DDX19B: variants seen among roughly 807,000 people sequenced by gnomAD.
DDX19B encodes ATP-dependent RNA helicase DDX19B.
DDX19B carries 27 observed loss-of-function variants against 58.1 expected under a neutral mutation model. The observed-to-expected ratio is 0.46, with a 90% CI of 0.34 to 0.64. The LOEUF (loss-of-function observed/expected upper bound fraction) is 0.64. Among genes scored for constraint, DDX19B ranks in the 30% least tolerant of loss-of-function variants. DDX19B has a pLI of 0.01. For missense variants in DDX19B, 399 were observed against 596.5 expected, an observed-to-expected ratio of 0.67 and a Z score of 3.45; for synonymous variants, 187 against 214.4, an observed-to-expected ratio of 0.87 and a Z score of 1.12.
At chr16:70,300,005 C>A (rs1392407947) in intron 1 of DDX19B, among the ~76,000 whole-genome samples, 1 of 152,106 alleles carries the variant, frequency 6.6e-6, no homozygotes, top group Admixed American at 6.6e-5. Context: ...GAATTAATTT[C>A]TCCCACCGAA....
chr16:70,310,168 G>A (rs549220953), intron 1 of DDX19B, among the ~76,000 whole-genome samples: 17 of 152,274 alleles, frequency 1.1e-4, no homozygotes, highest in South Asian at 8.3e-4. Context: ...GGATCATGAG[G>A]TCAAGAGATT....
At chr16:70,292,390 G>A (rs546240440), upstream of DDX19B, among the ~76,000 whole-genome samples, 3 of 151,936 alleles carry the variant, frequency 2.0e-5, no homozygotes, top group Admixed American at 6.6e-5. Context: ...CAGGTGATTC[G>A]CCTGCCTTGG....
At position 70,299,237 on chromosome 16, in the gene DDX19B, A is replaced by G; in HGVS notation, c.-61A>G. ...AGCCTGCCGCGAACCCCCGGAGCCC[A>G]CGATCCCTCGTGCCATCCCTCGAAT... On this transcript the variant is annotated 5_prime_UTR_variant, in exon 1 of 12. Transcript: ENST00000288071. 6.7e-7 allele frequency: 1 copy of G among 1,483,426 alleles called. No individual in the cohort carries two copies. Among genetic ancestry groups the G allele is most frequent in the East Asian group, 2.5e-5 (1 of 39,332 alleles). The allele number at this position is 1,483,426 out of a possible 1,614,324, so 91.9% of individuals were successfully genotyped here. A position where few individuals can be genotyped will look rare whatever the true frequency, so the allele number is the denominator to read the frequency against.
chr16:70,328,255 T>C (rs997841598), intron 7 of DDX19B, among the ~76,000 whole-genome samples: 3 of 152,080 alleles, frequency 2.0e-5, no homozygotes, highest in African/African-American at 7.2e-5. Flanking sequence ...TAATGCCAAC[T>C]TGAGGCCAGT....
upstream of DDX19B, among the ~76,000 whole-genome samples, chr16:70,294,443 A>G (rs1335789654): frequency 6.6e-6 from 1 of 152,164 alleles, no homozygotes; most frequent in African/African-American, 2.4e-5. Flanking sequence ...TATACTTGGA[A>G]TACCAAGGGT....
upstream of DDX19B, among the ~76,000 whole-genome samples, chr16:70,292,442 C>T (rs115969786): frequency 0.017 from 2,652 of 152,168 alleles, 62 homozygotes; most frequent in African/African-American, 0.059. Flanking sequence ...CCATCGCGTC[C>T]GGCCCCCTTG....
intron 1 of DDX19B, among the ~76,000 whole-genome samples, chr16:70,303,560 T>C (rs906001946): frequency 7.9e-5 from 12 of 152,208 alleles, no homozygotes; most frequent in African/African-American, 2.9e-4. Context: ...AATTTTTGTT[T>C]GTTTGTTTGT....
In DDX19B at chr16:70,299,369, G is replaced by T; in HGVS notation, c.57+15G>T. On this transcript the variant is annotated intron_variant, in intron 1 of 11. Coordinates refer to ENST00000288071, the MANE Select transcript of DDX19B (RefSeq NM_007242.7). Reference sequence around the variant, plus strand: ...CGGCTGAGTCGGTGAGTTGGCTTCAGCCCTAAAAGGGTCAGGGGACTAGTT... The same window carrying T: ...CGGCTGAGTCGGTGAGTTGGCTTCATCCCTAAAAGGGTCAGGGGACTAGTT... The T allele has an allele frequency of 6.2e-7, 1 of 1,602,466 alleles. No homozygotes were observed.
intron 5 of DDX19B, among the ~76,000 whole-genome samples, chr16:70,321,919 C>A (rs1962846258): frequency 6.6e-6 from 1 of 151,838 alleles, no homozygotes; most frequent in South Asian, 2.1e-4. Flanking sequence ...CCTGTAATCC[C>A]AGCTACTCGG....
chr16:70,308,653 C>T (rs1484685908), intron 1 of DDX19B, among the ~76,000 whole-genome samples: 1 of 151,826 alleles, frequency 6.6e-6, no homozygotes, highest in African/African-American at 2.4e-5. Context: ...ATTCAAGTCA[C>T]AAGCCACCAT....
At chr16:70,317,774 C>A (rs1486838789) in intron 5 of DDX19B, 186 bp downstream of exon 5, 301 of 292,040 alleles carry the variant, frequency 1.0e-3, no homozygotes, top group South Asian at 1.9e-3. Context: ...CCTGTCTCAA[C>A]AAAAAAAAAA....
upstream of DDX19B, among the ~76,000 whole-genome samples, chr16:70,292,176 T>G (rs1451402653): frequency 6.6e-6 from 1 of 152,088 alleles, no homozygotes; most frequent in Admixed American, 6.6e-5. Context: ...TTCCTTTTTT[T>G]GAGGCAGAGT....
At chr16:70,300,350 C>T (rs1278882836) in intron 1 of DDX19B, among the ~76,000 whole-genome samples, 1 of 151,818 alleles carries the variant, frequency 6.6e-6, no homozygotes, top group Non-Finnish European at 1.5e-5. Flanking sequence ...GGACTGTAGT[C>T]ATGTGCCACT....
At chr16:70,333,231 C>A (rs1196576763) in intron 11 of DDX19B, 72 bp downstream of exon 11, 12 of 743,148 alleles carry the variant, frequency 1.6e-5, no homozygotes, top group Non-Finnish European at 2.4e-5. Context: ...GGGGTAGGAT[C>A]TTCTGTAGCC....
intron 6 of DDX19B, 131 bp from the exon 7 acceptor site, chr16:70,325,443 A>G (rs1055177066): frequency 3.1e-6 from 2 of 655,360 alleles, no homozygotes; most frequent in Middle Eastern, 2.6e-4. Flanking sequence ...AAAGAATCAA[A>G]TGGTGTACAT....
At chr16:70,305,401 A>G (rs2152187805) in intron 1 of DDX19B, among the ~76,000 whole-genome samples, 1 of 152,336 alleles carries the variant, frequency 6.6e-6, no homozygotes, top group South Asian at 2.1e-4. Flanking sequence ...TCTCATGCCT[A>G]ACCTGGCAGG....
intron 8 of DDX19B, 116 bp downstream of exon 8, chr16:70,329,585 G>C (rs1963369694): frequency 4.1e-6 from 6 of 1,474,502 alleles, no homozygotes; most frequent in Non-Finnish European, 5.5e-6. Context: ...ACTCTCAGCA[G>C]CATTTGTTTG....
chr16:70,317,817 C>T, intron 5 of DDX19B: 1 of 297,064 alleles, frequency 3.4e-6, no homozygotes, highest in Non-Finnish European at 6.4e-6. Context: ...TGGTGGCATG[C>T]AGCTGTAGTC....
At chr16:70,317,632 T>A in intron 5 of DDX19B, 44 bp downstream of exon 5, 2 of 1,547,800 alleles carry the variant, frequency 1.3e-6, no homozygotes, top group South Asian at 1.1e-5. Context: ...GATTTTCTAT[T>A]TTTGAAAACT....
Sources: gnomAD v4.1 joint callset for allele counts (sites outside exome capture counted in the v4.1 genomes callset) on GRCh38, gnomAD v4.1.1 for gene constraint, MANE v1.5 for transcripts, NCBI Gene and HGNC (gene_info 2026-07-23, HGNC 2026-07-21) for gene names.